Variants in ROR1 observed in about 807,000 individuals in gnomAD.
The protein encoded by ROR1 is inactive tyrosine-protein kinase transmembrane receptor ROR1.
In ROR1, 19 loss-of-function variants were observed where a neutral mutation model predicts 78.8. The ratio of observed to expected loss-of-function variants is 0.24; its 90% CI spans 0.17 to 0.35. ROR1 has a LOEUF of 0.35. Among genes scored for constraint, ROR1 ranks in the 10% least tolerant of loss-of-function variants. ROR1 has a pLI of 1.00. For synonymous variants in ROR1, 386 were observed against 433.6 expected (o/e 0.89, Z 1.36); for missense variants, 917 against 1,177.8 (o/e 0.78, Z 3.24).
chr1:63,991,978 C>T (rs285361), intron 1 of ROR1, among the ~76,000 whole-genome samples: 101,031 of 152,018 alleles, frequency 0.66, 38,114 homozygotes, highest in East Asian at 0.94. Flanking sequence ...ATGTAAACAC[C>T]TGTAGTAATG....
At chr1:63,870,580 A>G (rs1378735648) in intron 1 of ROR1, among the ~76,000 whole-genome samples, 8 of 152,182 alleles carry the variant, frequency 5.3e-5, no homozygotes, top group African/African-American at 1.9e-4. Context: ...GTGTGGGTAT[A>G]TATTAATAGT....
intron 2 of ROR1, among the ~76,000 whole-genome samples, chr1:64,026,123 C>CTTTTTTTTTTTTTTTTT (rs1646607431): frequency 6.6e-6 from 1 of 152,140 alleles, no homozygotes; most frequent in African/African-American, 2.4e-5. Flanking sequence ...GTAGGCCTTT[C>CTTTTTTTTTTTTTTTTT]TTATGTTGAG....
intron 7 of ROR1, among the ~76,000 whole-genome samples, chr1:64,147,505 A>C (rs1649506885): frequency 1.3e-5 from 2 of 152,204 alleles, no homozygotes; most frequent in Non-Finnish European, 2.9e-5. Flanking sequence ...AGTAGCTCCC[A>C]GGTGGGATTC....
At chr1:63,906,913 C>T (rs1645533992) in intron 1 of ROR1, among the ~76,000 whole-genome samples, 1 of 152,138 alleles carries the variant, frequency 6.6e-6, no homozygotes, top group South Asian at 2.1e-4. Context: ...AAAGTGAATG[C>T]TTCAATATTA....
intron 1 of ROR1, among the ~76,000 whole-genome samples, chr1:63,887,230 G>GC (rs949990925): frequency 3.1e-4 from 47 of 151,594 alleles, no homozygotes; most frequent in African/African-American, 9.2e-4. Context: ...TGGGATGGGG[G>GC]GGTTTGGGGA....
intron 1 of ROR1, among the ~76,000 whole-genome samples, chr1:63,870,225 T>G (rs1335658125): frequency 6.6e-6 from 1 of 152,220 alleles, no homozygotes; most frequent in African/African-American, 2.4e-5. Flanking sequence ...CATAATATTA[T>G]TCATGTATGC....
chr1:63,856,175 G>GT (rs1306175506), intron 1 of ROR1, among the ~76,000 whole-genome samples: 1 of 151,436 alleles, frequency 6.6e-6, no homozygotes, highest in Non-Finnish European at 1.5e-5. Flanking sequence ...AATTTTCCTT[G>GT]TTGGGTACTG....
chr1:64,019,332 T>G (rs1323661657), intron 2 of ROR1, among the ~76,000 whole-genome samples: 1 of 152,230 alleles, frequency 6.6e-6, no homozygotes, highest in Non-Finnish European at 1.5e-5. Context: ...TTGGTTTATA[T>G]TTAAGCTCTG....
chr1:63,816,530 T>C (rs1332590962), intron 1 of ROR1, among the ~76,000 whole-genome samples: 1 of 152,202 alleles, frequency 6.6e-6, no homozygotes, highest in Non-Finnish European at 1.5e-5. Flanking sequence ...CCATTTGGCA[T>C]TGTAAGTCCA....
intron 1 of ROR1, among the ~76,000 whole-genome samples, chr1:63,833,990 CTT>C (rs71056008): frequency 4.0e-4 from 53 of 131,962 alleles, no homozygotes; most frequent in Non-Finnish European, 3.9e-4. Flanking sequence ...TCTTCTTCTT[CTT>C]TTTTTTTTTT....
At chr1:64,007,052 C>T (rs879519483) in intron 1 of ROR1, among the ~76,000 whole-genome samples, 7 of 151,858 alleles carry the variant, frequency 4.6e-5, no homozygotes, top group Non-Finnish European at 1.0e-4. Context: ...CCAGGTTTTA[C>T]AGGCTTGAGT....
intron 1 of ROR1, among the ~76,000 whole-genome samples, chr1:63,942,604 G>C (rs1428092135): frequency 6.6e-6 from 1 of 152,094 alleles, no homozygotes; most frequent in Admixed American, 6.5e-5. Flanking sequence ...GTGAAATTTA[G>C]AAAAAGGCGG....
intron 1 of ROR1, among the ~76,000 whole-genome samples, chr1:63,817,270 C>T (rs1016655290): frequency 2.0e-5 from 3 of 152,228 alleles, no homozygotes; most frequent in East Asian, 1.9e-4. Context: ...GTCAACGCCC[C>T]GTGGTCTCTT....
intron 4 of ROR1, among the ~76,000 whole-genome samples, chr1:64,055,989 T>C (rs1646870655): frequency 6.6e-6 from 1 of 152,250 alleles, no homozygotes. Context: ...GAGGTTCATA[T>C]AAATTATAGC....
intron 7 of ROR1, among the ~76,000 whole-genome samples, chr1:64,156,386 G>A (rs4619008): frequency 0.27 from 41,245 of 151,996 alleles, 5,882 homozygotes; most frequent in East Asian, 0.36. Flanking sequence ...CACTGACTAC[G>A]ACGGCCTCCA....
intron 1 of ROR1, among the ~76,000 whole-genome samples, chr1:63,830,414 A>G (rs1644980518): frequency 6.6e-6 from 1 of 152,162 alleles, no homozygotes; most frequent in Non-Finnish European, 1.5e-5. Flanking sequence ...GGGTCTCAGG[A>G]AACTTAAAAT....
At chr1:64,025,713 A>G (rs1646603623) in intron 2 of ROR1, among the ~76,000 whole-genome samples, 1 of 152,218 alleles carries the variant, frequency 6.6e-6, no homozygotes, top group African/African-American at 2.4e-5. Context: ...TGACATTTGA[A>G]GCAACCTGGA....
At chr1:63,852,612 G>T (rs78847978) in intron 1 of ROR1, among the ~76,000 whole-genome samples, 2,351 of 152,320 alleles carry the variant, frequency 0.015, 75 homozygotes, top group East Asian at 0.12. Flanking sequence ...TAATTGTCCA[G>T]AAGAGGAAGA....
intron 8 of ROR1, among the ~76,000 whole-genome samples, chr1:64,170,983 C>T (rs1650222560): frequency 6.6e-6 from 1 of 152,212 alleles, no homozygotes; most frequent in Non-Finnish European, 1.5e-5. Flanking sequence ...TTCAACAAGT[C>T]TCCAGGGAGT....
Sources: gnomAD v4.1 joint callset for allele counts (sites outside exome capture counted in the v4.1 genomes callset) on GRCh38, gnomAD v4.1.1 for gene constraint, MANE v1.5 for transcripts, NCBI Gene and HGNC (gene_info 2026-07-23, HGNC 2026-07-21) for gene names.